NLRP2: variants seen among roughly 807,000 people sequenced by gnomAD.
NLRP2 encodes NLR family pyrin domain containing 2.
Under a neutral mutation model 97.2 loss-of-function variants are expected in NLRP2, and 107 were observed. That is an observed-to-expected ratio of 1.10 (90% CI 0.94 to 1.29). The LOEUF is 1.29. NLRP2 is among the 50% of genes most tolerant of loss of function. The pLI is 0.00. For synonymous variants in NLRP2, 663 were observed against 551.5 expected (o/e 1.20, Z -2.83); for missense variants, 1,495 against 1,330.3 (o/e 1.12, Z -1.93).
At chr19:54,985,425 T>C (rs2071991708) in intron 7 of NLRP2, among the ~76,000 whole-genome samples, 1 of 152,006 alleles carries the variant, frequency 6.6e-6, no homozygotes, top group Non-Finnish European at 1.5e-5. Context: ...CACTTGTAAT[T>C]CCAACACTTC....
chr19:54,974,409 C>A (rs930431051), intron 2 of NLRP2, 91 bp from the exon 3 acceptor site: 2 of 908,606 alleles, frequency 2.2e-6, no homozygotes, highest in Non-Finnish European at 1.8e-6. Flanking sequence ...ACAAGTGATC[C>A]AGTTCTAAGT....
intron 8 of NLRP2, 101 bp downstream of exon 8, chr19:54,986,416 C>T (rs1175644355): frequency 7.5e-6 from 8 of 1,070,926 alleles, no homozygotes; most frequent in East Asian, 4.8e-5. Flanking sequence ...GTTATTCTGA[C>T]TAGAAACAGT....
At chr19:54,969,332 G>T (rs1213846207) in intron 1 of NLRP2, among the ~76,000 whole-genome samples, 4 of 152,040 alleles carry the variant, frequency 2.6e-5, no homozygotes, top group Non-Finnish European at 5.9e-5. Flanking sequence ...AAAAAAATTA[G>T]CTGGGCACAG....
chr19:54,983,013 C>A lies in NLRP2; in HGVS notation c.1315C>A (p.Gln439Lys), dbSNP rs1247238856. The A allele has an allele frequency of 4.3e-6, 7 of 1,610,904 alleles. No homozygotes were observed. The highest frequency in any genetic ancestry group is 5.1e-6 in the Non-Finnish European group (6 of 1,179,486). Residue 439 changes from glutamine (Q) to lysine (K), a missense_variant, in exon 6 of 13, where the codon CAG (glutamine) becomes AAG (lysine). By Grantham distance (53) the Gln-to-Lys change is moderately conservative (BLOSUM62 1). Transcript: ENST00000448584. ...FLRFLCSRFP[Q>K]GAQLRGALRT... is the part of the protein sequence containing the mutation. ...GCGTTTCCTCTGCAGCCGGTTCCCG[C>A]AGGGCGCACAGCTGCGGGGCGCGCT...
chr19:54,972,458 G>A (rs1201379849), intron 2 of NLRP2, among the ~76,000 whole-genome samples: 1 of 152,028 alleles, frequency 6.6e-6, no homozygotes, highest in East Asian at 1.9e-4. Flanking sequence ...TGGAATTACA[G>A]GTGTGAGCCG....
chr19:54,987,660 T>G (rs552612576), intron 8 of NLRP2, among the ~76,000 whole-genome samples: 47 of 151,462 alleles, frequency 3.1e-4, no homozygotes, highest in Non-Finnish European at 5.2e-4. Context: ...GAGCATCATT[T>G]GAACCTGAGA....
Position 54,977,775 on chromosome 19 carries a change from C to T in NLRP2, c.349C>T (p.Pro117Ser), listed in dbSNP as rs2071336741. ...AGGGATAACACGGAAAGAACGACCACCTCTAGACGTGGACGAAATGCTGGA... is the reference window on the plus strand; with the variant it reads ...AGGGATAACACGGAAAGAACGACCATCTCTAGACGTGGACGAAATGCTGGA... ...SLGITRKERPPLDVDEMLERF... is the reference protein window; with the variant it reads ...SLGITRKERPSLDVDEMLERF... The change falls in exon 4 of 13, where the codon CCT (proline) becomes TCT (serine). Residue 117 changes from proline (P) to serine (S), a missense_variant. Transcript: ENST00000448584. The T allele has an allele frequency of 6.2e-7, 1 of 1,613,842 alleles. No individual in the cohort carries two copies. Among genetic ancestry groups the T allele is most frequent in the East Asian group, 2.2e-5 (1 of 44,868 alleles).
rs113752373 is a variant in NLRP2, at chr19:54,983,284, C to T, written c.1586C>T (p.Thr529Ile). 3.0e-4 allele frequency: 481 copies of T among 1,614,124 alleles called. 6 individuals are homozygous for T. In the African/African-American group the frequency reaches 5.5e-3, roughly 18 times the overall value. The change falls in exon 6 of 13, where the codon ACC becomes ATC. Residue 529 changes from threonine (T) to isoleucine (I), a missense_variant. Physicochemically the swap from Thr to Ile is moderately conservative, Grantham distance 89. Coordinates refer to ENST00000448584, the MANE Select transcript of NLRP2 (RefSeq NM_017852.5). ...GAGGAAGAGGATAGGGACGGCCACA[C>T]CTGGGACATTGGGGACGTACAGAAG... ...KEEEEDRDGH[T>I]WDIGDVQKLL... is the part of the protein sequence containing the mutation.
At chr19:54,973,424 A>G (rs578253820) in intron 2 of NLRP2, among the ~76,000 whole-genome samples, 83 of 135,184 alleles carry the variant, frequency 6.1e-4, no homozygotes, top group Non-Finnish European at 9.4e-4. Context: ...CTCCCAGGCT[A>G]GAGTGCAATG....
chr19:54,980,355 C>T (rs910783743), intron 4 of NLRP2, among the ~76,000 whole-genome samples: 13 of 151,910 alleles, frequency 8.6e-5, no homozygotes, highest in African/African-American at 1.9e-4. Flanking sequence ...GCCACACGCC[C>T]GGCTAATTTT....
At chr19:54,974,195 A>T (rs2071051894) in intron 2 of NLRP2, 2 of 582,894 alleles carry the variant, frequency 3.4e-6, no homozygotes, top group East Asian at 6.6e-5. Context: ...CTCTACTAAA[A>T]ATACAAAACT....
At chr19:54,986,767 C>T (rs559090616) in intron 8 of NLRP2, among the ~76,000 whole-genome samples, 7 of 152,182 alleles carry the variant, frequency 4.6e-5, no homozygotes, top group African/African-American at 4.8e-5. Context: ...AGGCTGGTCT[C>T]GAACTCATGA....
At chr19:54,997,668 T>C (rs987915028) in intron 12 of NLRP2, among the ~76,000 whole-genome samples, 181 bp downstream of exon 12, 3 of 151,786 alleles carry the variant, frequency 2.0e-5, no homozygotes, top group African/African-American at 4.8e-5. Flanking sequence ...TTGGTCAGGC[T>C]GGTCTCAAAC....
rs61515967 is a variant in NLRP2 at position 54,977,487 on chromosome 19, T to TTGTGTGTGTGTG, written c.326-239_326-228dup. On this transcript the variant is annotated intron_variant, in intron 3 of 12. Transcript: ENST00000448584. ...TCCAGTGGCCTTATGCGTGAGTAGT[T>TTGTGTGTGTGTG]TGTGTGTGTGTGTGTGTGTGTGTGT... Among the ~76,000 whole-genome samples, 1,090 of 147,516 alleles carry TTGTGTGTGTGTG rather than the reference T, an allele frequency of 7.4e-3. 14 individuals are homozygous for TTGTGTGTGTGTG. Among genetic ancestry groups the TTGTGTGTGTGTG allele is most frequent in the East Asian group, 0.028 (137 of 4,964 alleles).
Position 54,990,498 on chromosome 19 carries a change from G to C in NLRP2, c.2538-4G>C, listed in dbSNP as rs12973968. The C allele has an allele frequency of 0.18, 295,835 of 1,613,050 alleles. 30,803 individuals are homozygous for C. The highest frequency in any genetic ancestry group is 0.21 in the Non-Finnish European group (251,237 of 1,179,072). On this transcript the variant is annotated splice_region_variant and splice_polypyrimidine_tract_variant and intron_variant, in intron 9 of 12. Transcript: ENST00000448584. ...CCGTGTTGCCATTTGTGATTCTTTT[G>C]TAGGTTGGAAAACTGTCACCTTACA...
intron 4 of NLRP2, among the ~76,000 whole-genome samples, chr19:54,980,149 C>T (rs796740218): frequency 2.6e-5 from 4 of 151,956 alleles, no homozygotes; most frequent in African/African-American, 9.7e-5. Context: ...CATGCTTCAG[C>T]AGGAAATGTG....
chr19:54,982,541 G>A lies in NLRP2; in HGVS notation c.843G>A (p.Arg281=), dbSNP rs755257910. 6 of 1,614,096 alleles carry A rather than the reference G, an allele frequency of 3.7e-6. No homozygotes were observed. Among genetic ancestry groups the A allele is most frequent in the Non-Finnish European group, 5.1e-6 (6 of 1,180,048 alleles). The change falls in exon 6 of 13, where the codon CGG becomes CGA. Residue 281 remains arginine (R), a synonymous_variant. Transcript: ENST00000448584. ...TTCCACACATCCTAGCCCAAGCACG[G>A]AAAATCTTGTTCGTGATTGACGGCT... ...DDIPHILAQA[R]KILFVIDGFD... is the part of the protein sequence containing the mutation.
Position 54,986,208 on chromosome 19 carries a change from T to G in NLRP2, c.2259T>G (p.Gly753=). The G allele has an allele frequency of 6.2e-7, 1 of 1,613,454 alleles. No individual in the cohort carries two copies. Among genetic ancestry groups the G allele is most frequent in the Non-Finnish European group, 8.5e-7 (1 of 1,179,408 alleles). ...AHRNLCLALR[G]HKTVTYLTLQ... ...GGAACCTCTGCCTAGCTCTTCGAGG[T>G]CACAAGACTGTAACGTATCTGACCC... The change falls in exon 8 of 13, where the codon GGT becomes GGG. Residue 753 remains glycine (G), a synonymous_variant. Coordinates refer to ENST00000448584, the MANE Select transcript of NLRP2 (RefSeq NM_017852.5).
rs1173923822 is a variant in NLRP2 at position 54,974,112 on chromosome 19, T to C, written c.281-388T>C. ...GGCTCACGCCTGTAATCCCAACACT[T>C]TGGGAGGCCGAGGTGGGCGGATCAC... On this transcript the variant is annotated intron_variant, in intron 2 of 12. Coordinates refer to ENST00000448584, the MANE Select transcript of NLRP2 (RefSeq NM_017852.5). The C allele has an allele frequency of 9.3e-6, 7 of 751,228 alleles. No individual in the cohort carries two copies. The Admixed American group carries it at 9.8e-5, about 11-fold the overall frequency. The allele number at this position is 751,228 out of a possible 1,614,324, so 46.5% of individuals were successfully genotyped here. A position where few individuals can be genotyped will look rare whatever the true frequency, so the allele number is the denominator to read the frequency against.
Sources: gnomAD v4.1 joint callset for allele counts (sites outside exome capture counted in the v4.1 genomes callset) on GRCh38, gnomAD v4.1.1 for gene constraint, MANE v1.5 for transcripts, NCBI Gene and HGNC (gene_info 2026-07-23, HGNC 2026-07-21) for gene names.